The following NEDD4L variants were observed in gnomAD, a reference collection of about 807,000 sequenced individuals.
NEDD4L encodes E3 ubiquitin-protein ligase NEDD4-like.
Under a neutral mutation model 148.9 loss-of-function variants are expected in NEDD4L, and 54 were observed. The ratio of observed to expected loss-of-function variants is 0.36; its 90% CI spans 0.29 to 0.45. NEDD4L has a LOEUF of 0.45. Among genes scored for constraint, NEDD4L ranks in the 20% least tolerant of loss-of-function variants. The pLI, the probability that NEDD4L is intolerant of heterozygous loss-of-function variation, is 1.00. For missense variants in NEDD4L, 856 were observed against 1,233.8 expected (o/e 0.69, Z 4.59); for synonymous variants, 433 against 440.7 (o/e 0.98, Z 0.22).
At chr18:58,079,007 A>T (rs1022473943) in intron 1 of NEDD4L, among the ~76,000 whole-genome samples, 2 of 152,146 alleles carry the variant, frequency 1.3e-5, no homozygotes, top group Admixed American at 1.3e-4. Flanking sequence ...AGCTGTGTGG[A>T]TAAAATGTAC....
chr18:58,281,547 T>G (rs948968234), intron 5 of NEDD4L, among the ~76,000 whole-genome samples: 1 of 152,108 alleles, frequency 6.6e-6, no homozygotes, highest in Non-Finnish European at 1.5e-5. Context: ...TATTAGGTAA[T>G]TATTCATTGT....
intron 2 of NEDD4L, among the ~76,000 whole-genome samples, chr18:58,231,237 CA>C (rs67220469): frequency 0.054 from 4,871 of 89,910 alleles, 73 homozygotes; most frequent in African/African-American, 0.093. Context: ...GACCCTATCT[CA>C]AAAAAAAAAA....
intron 5 of NEDD4L, among the ~76,000 whole-genome samples, chr18:58,284,010 T>C (rs1238961871): frequency 1.3e-5 from 2 of 152,118 alleles, no homozygotes; most frequent in Admixed American, 6.5e-5. Context: ...ACTCCAAAGA[T>C]TGCTAGCAAG....
intron 9 of NEDD4L, among the ~76,000 whole-genome samples, chr18:58,325,529 C>T (rs985815855): frequency 5.3e-5 from 8 of 152,166 alleles, no homozygotes; most frequent in African/African-American, 1.9e-4. Context: ...AGAACAGAAC[C>T]GGCAAGCAAA....
chr18:58,333,131 A>G (rs970411453), intron 11 of NEDD4L, among the ~76,000 whole-genome samples: 13 of 152,000 alleles, frequency 8.6e-5, no homozygotes, highest in African/African-American at 2.7e-4. Flanking sequence ...ACAAAAAATT[A>G]GCCAAGTGTG....
chr18:58,393,299 A>G (rs976774654), intron 30 of NEDD4L, among the ~76,000 whole-genome samples: 8 of 152,198 alleles, frequency 5.3e-5, no homozygotes, highest in Non-Finnish European at 1.2e-4. Flanking sequence ...GGAACCATCT[A>G]GAGAGCCTTA....
intron 1 of NEDD4L, among the ~76,000 whole-genome samples, chr18:58,152,108 TA>T (rs35813484): frequency 0.31 from 46,423 of 148,972 alleles, 7,445 homozygotes; most frequent in Middle Eastern, 0.37. Flanking sequence ...TCAGAAAAAT[TA>T]AAAAAAAAAA....
At chr18:58,180,452 T>C (rs908278654) in intron 2 of NEDD4L, among the ~76,000 whole-genome samples, 2 of 152,164 alleles carry the variant, frequency 1.3e-5, no homozygotes, top group Admixed American at 6.5e-5. Context: ...CCTGCTCTAG[T>C]CCCACATCGG....
At chr18:58,241,887 T>G (rs1265160772) in intron 2 of NEDD4L, among the ~76,000 whole-genome samples, 1 of 152,060 alleles carries the variant, frequency 6.6e-6, no homozygotes, top group African/African-American at 2.4e-5. Context: ...ACAAAAAGTT[T>G]GCAAAATAGA....
At chr18:58,342,081 G>C (rs1000893177) in intron 15 of NEDD4L, among the ~76,000 whole-genome samples, 1 of 152,212 alleles carries the variant, frequency 6.6e-6, no homozygotes, top group Non-Finnish European at 1.5e-5. Context: ...CGTTCTTGTT[G>C]TGTTTCGCTT....
At position 58,256,168 on chromosome 18, in the gene NEDD4L, C is replaced by T; in HGVS notation, c.297+4114C>T. 8.2e-7 allele frequency: 1 copy of T among 1,218,148 alleles called. No homozygotes were observed. Among genetic ancestry groups the T allele is most frequent in the Non-Finnish European group, 1.0e-6 (1 of 979,474 alleles). The allele number at this position is 1,218,148 out of a possible 1,614,324, so 75.5% of individuals were successfully genotyped here. On this transcript the variant is annotated intron_variant, in intron 5 of 30. Coordinates refer to ENST00000400345, the MANE Select transcript of NEDD4L (RefSeq NM_001144967.3). This position sits in a 1 kb window ranked among gnomAD's most constrained non-coding sequence, Gnocchi z 5.2. ...GCACGTGCGGCCGCCGCGTGCGGTG[C>T]TCCGGCCCCGTGGACTGCGCGGAGG...
At chr18:58,059,629 C>T (rs1478490573) in intron 1 of NEDD4L, among the ~76,000 whole-genome samples, 1 of 152,194 alleles carries the variant, frequency 6.6e-6, no homozygotes, top group Non-Finnish European at 1.5e-5. Context: ...GCCAACCCAC[C>T]TCATCCTGTC....
intron 1 of NEDD4L, among the ~76,000 whole-genome samples, chr18:58,135,945 T>C (rs553259626): frequency 6.6e-6 from 1 of 152,322 alleles, no homozygotes; most frequent in African/African-American, 2.4e-5. Context: ...CCTTGTGTGG[T>C]TGGCCAGGAA....
At chr18:58,272,884 C>CTCT (rs1405888449) in intron 5 of NEDD4L, among the ~76,000 whole-genome samples, 5 of 152,128 alleles carry the variant, frequency 3.3e-5, no homozygotes, top group Non-Finnish European at 7.3e-5. Context: ...ATGGTAGAGA[C>CTCT]ACTCATAAGT....
chr18:58,219,941 C>T (rs1228905983), intron 2 of NEDD4L, among the ~76,000 whole-genome samples: 1 of 152,022 alleles, frequency 6.6e-6, no homozygotes, highest in Non-Finnish European at 1.5e-5. Flanking sequence ...TATTGTGGTT[C>T]TTATTTTTTT....
At chr18:58,368,423 G>A (rs1268422044) in intron 22 of NEDD4L, among the ~76,000 whole-genome samples, 2 of 152,162 alleles carry the variant, frequency 1.3e-5, no homozygotes, top group South Asian at 2.1e-4. Flanking sequence ...CTACCTGGCG[G>A]TATCTATAGG....
chr18:58,063,726 C>T (rs187368973), intron 1 of NEDD4L, among the ~76,000 whole-genome samples: 18 of 151,608 alleles, frequency 1.2e-4, no homozygotes, highest in African/African-American at 2.7e-4. Flanking sequence ...CCACCATGCC[C>T]GGCTAATTTT....
chr18:58,121,447 G>A (rs2086234766), intron 1 of NEDD4L, among the ~76,000 whole-genome samples: 1 of 150,990 alleles, frequency 6.6e-6, no homozygotes, highest in African/African-American at 2.4e-5. Flanking sequence ...TTTTTTGACA[G>A]GGTCTCTCTA....
intron 28 of NEDD4L, chr18:58,389,434 C>T (rs2049493843): frequency 2.7e-6 from 1 of 370,496 alleles, no homozygotes. Flanking sequence ...ACTGGCCTTC[C>T]TTGACCACCT....
Sources: gnomAD v4.1 joint callset for allele counts (sites outside exome capture counted in the v4.1 genomes callset) on GRCh38, gnomAD v4.1.1 for gene constraint, Gnocchi (gnomAD v3.1) non-coding constraint, MANE v1.5 for transcripts, NCBI Gene and HGNC (gene_info 2026-07-23, HGNC 2026-07-21) for gene names.